Variants in TRMT10A observed in about 807,000 individuals in gnomAD.
TRMT10A encodes the protein tRNA methyltransferase 10 homolog A.
Under a neutral mutation model 40.4 loss-of-function variants are expected in TRMT10A, and 37 were observed. That is an observed-to-expected ratio of 0.92 (90% CI 0.71 to 1.21). The LOEUF is 1.21. TRMT10A is among the 50% of genes most tolerant of loss of function. TRMT10A has a pLI of 0.00. For synonymous variants in TRMT10A, 103 were observed against 134.1 expected (o/e 0.77, Z 1.60); for missense variants, 388 against 404.3 (o/e 0.96, Z 0.35).
chr4:99,560,435 G>A (rs1407189258), intron 1 of TRMT10A, among the ~76,000 whole-genome samples: 4 of 152,062 alleles, frequency 2.6e-5, no homozygotes, highest in Admixed American at 2.6e-4. Flanking sequence ...TGATGACTTA[G>A]AAGACAATCT....
At position 99,547,683 on chromosome 4, in the gene TRMT10A, C is replaced by T. The variant is rs1458565176; in HGVS notation, c.*1405G>A. ...ACAGACCTTACCTTAAAATAGGTAA[C>T]TATAATAGATTACTAAGAACAAAGT... On this transcript the variant is annotated 3_prime_UTR_variant, in exon 8 of 8. Transcript: ENST00000394876. The T allele has an allele frequency of 6.6e-6, 1 of 151,842 alleles. No homozygotes were observed. The highest frequency in any genetic ancestry group is 1.5e-5 in the Non-Finnish European group (1 of 67,958). 9.4% of individuals were successfully genotyped at this position (151,842 alleles called of 1,614,324 possible). A position where few individuals can be genotyped will look rare whatever the true frequency, so the allele number is the denominator to read the frequency against.
intron 4 of TRMT10A, among the ~76,000 whole-genome samples, chr4:99,557,046 G>A (rs1724187112): frequency 6.6e-6 from 1 of 152,120 alleles, no homozygotes; most frequent in Non-Finnish European, 1.5e-5. Flanking sequence ...GGAAGTAATT[G>A]TAAACTGAAA....
At chr4:99,553,124 A>G (rs967067977) in intron 6 of TRMT10A, among the ~76,000 whole-genome samples, 1 of 152,214 alleles carries the variant, frequency 6.6e-6, no homozygotes, top group African/African-American at 2.4e-5. Context: ...ACTTAAATTT[A>G]AATTGATTAC....
rs745805527 is a variant in TRMT10A at position 99,558,165 on chromosome 4, A to G, written c.232T>C (p.Cys78Arg). The G allele has an allele frequency of 1.9e-6, 3 of 1,602,354 alleles. No individual in the cohort carries two copies. In the African/African-American group the frequency reaches 4.0e-5, roughly 22 times the overall value. The change falls in exon 3 of 8, where the codon TGT (cysteine) becomes CGT (arginine). Residue 78 changes from cysteine (C) to arginine (R), a missense_variant. Cys to Arg is a radical substitution (Grantham distance 180). Transcript: ENST00000394876. Reference sequence around the variant, plus strand: ...CCATCTGAGTTTGGTTCCATTTGACATTGTCGCTCTAATTTTTTCCTCTTG... The same window carrying G: ...CCATCTGAGTTTGGTTCCATTTGACGTTGTCGCTCTAATTTTTTCCTCTTG... The part of the protein sequence containing the change: ...KRKRKKLERQ[C>R]QMEPNSDGHD...
chr4:99,557,317 G>C (rs2110190427), intron 4 of TRMT10A, 28 bp downstream of exon 4: 1 of 1,591,636 alleles, frequency 6.3e-7, no homozygotes, highest in East Asian at 2.3e-5. Flanking sequence ...AAGAAAACTA[G>C]AGTCTGCTTT....
At chr4:99,563,885 G>C (rs2110200044) in intron 1 of TRMT10A, 28 bp downstream of exon 1, 1 of 711,902 alleles carries the variant, frequency 1.4e-6, no homozygotes, top group Non-Finnish European at 2.5e-6. Context: ...TAGTGCGGGG[G>C]AGCGCCAACC....
chr4:99,556,419 C>T (rs1025735608), intron 4 of TRMT10A, among the ~76,000 whole-genome samples, 199 bp from the exon 5 acceptor site: 72 of 152,260 alleles, frequency 4.7e-4, no homozygotes, highest in African/African-American at 1.7e-3. Flanking sequence ...GTGCATGTTT[C>T]ATAACCCAGT....
chr4:99,561,412 G>A (rs1462683014), intron 1 of TRMT10A, among the ~76,000 whole-genome samples: 1 of 151,930 alleles, frequency 6.6e-6, no homozygotes, highest in Non-Finnish European at 1.5e-5. Flanking sequence ...CAAACACAAG[G>A]AAAGGTCATG....
At chr4:99,557,565 G>T in intron 3 of TRMT10A, 149 bp from the exon 4 acceptor site, 1 of 616,862 alleles carries the variant, frequency 1.6e-6, no homozygotes, top group Non-Finnish European at 2.7e-6. Flanking sequence ...AATGTTATTT[G>T]ATTTCCTTAC....
intron 7 of TRMT10A, 46 bp downstream of exon 7, chr4:99,550,839 A>T: frequency 7.4e-7 from 1 of 1,352,078 alleles, no homozygotes; most frequent in Non-Finnish European, 1.1e-6. Context: ...ATTCTTTCTC[A>T]CAATGTTCGC....
intron 5 of TRMT10A, among the ~76,000 whole-genome samples, chr4:99,554,613 C>T (rs1311374639): frequency 6.1e-5 from 9 of 147,788 alleles, no homozygotes; most frequent in South Asian, 4.5e-4. Flanking sequence ...CCCAGCTACT[C>T]GGGAGGCTGA....
In TRMT10A at chr4:99,559,179, A is replaced by G; in HGVS notation, c.160T>C (p.Trp54Arg). 1 of 1,612,602 alleles carries G rather than the reference A, an allele frequency of 6.2e-7. No individual in the cohort carries two copies. The highest frequency in any genetic ancestry group is 8.5e-7 in the Non-Finnish European group (1 of 1,179,142). Residue 54 changes from tryptophan to arginine, a missense_variant, in exon 2 of 8, where the codon TGG (tryptophan) becomes CGG (arginine). Coordinates refer to ENST00000394876, the MANE Select transcript of TRMT10A (RefSeq NM_001134665.3). ...QMKKLIKQKQWEEQRELRKQK... is the reference protein window; with the variant it reads ...QMKKLIKQKQREEQRELRKQK... ...TTGCGGAGTTCCCGTTGCTCTTCCCATTGTTTCTGTTTTATTAGTTTTTTC... is the reference window on the plus strand; with the variant it reads ...TTGCGGAGTTCCCGTTGCTCTTCCCGTTGTTTCTGTTTTATTAGTTTTTTC...
intron 5 of TRMT10A, among the ~76,000 whole-genome samples, chr4:99,555,922 G>C (rs1318035055): frequency 6.6e-6 from 1 of 152,136 alleles, no homozygotes; most frequent in Non-Finnish European, 1.5e-5. Context: ...CGTTTTAAAA[G>C]TTGACCATAA....
chr4:99,548,843 G>A lies in TRMT10A; in HGVS notation c.*245C>T, dbSNP rs1723840872. ...ACAGTAAAATTATCTAGAAACTACT[G>A]AGGCTTTAAAAACAAAAACAAAAAA... On this transcript the variant is annotated 3_prime_UTR_variant, in exon 8 of 8. Transcript: ENST00000394876. 1 of 359,062 alleles carries A rather than the reference G, an allele frequency of 2.8e-6. No individual in the cohort carries two copies. Among genetic ancestry groups the A allele is most frequent in the African/African-American group, 2.1e-5 (1 of 47,224 alleles). 22.2% of individuals were successfully genotyped at this position (359,062 alleles called of 1,614,324 possible).
In TRMT10A at chr4:99,548,851, A is replaced by T. The variant is rs1432244062; in HGVS notation, c.*237T>A. The T allele has an allele frequency of 2.7e-6, 1 of 377,048 alleles. No homozygotes were observed. The highest frequency in any genetic ancestry group is 4.2e-5 in the Admixed American group (1 of 23,812). The allele number at this position is 377,048 out of a possible 1,614,324, so 23.4% of individuals were successfully genotyped here. A position where few individuals can be genotyped will look rare whatever the true frequency, so the allele number is the denominator to read the frequency against. On this transcript the variant is annotated 3_prime_UTR_variant, in exon 8 of 8. Transcript: ENST00000394876. ...ATTATCTAGAAACTACTGAGGCTTT[A>T]AAAACAAAAACAAAAAAAATCACAT... is the stretch of plus-strand genomic sequence containing the variant.
chr4:99,550,528 A>G (rs765245996), intron 7 of TRMT10A, among the ~76,000 whole-genome samples: 2 of 152,206 alleles, frequency 1.3e-5, no homozygotes, highest in Non-Finnish European at 2.9e-5. Context: ...CATAAAAAAT[A>G]AAGTAATAAA....
intron 7 of TRMT10A, among the ~76,000 whole-genome samples, chr4:99,550,033 T>G (rs112954724): frequency 0.023 from 3,528 of 152,270 alleles, 108 homozygotes; most frequent in Middle Eastern, 0.1. Context: ...GGCTTAAAAA[T>G]TTTTTTAAAG....
chr4:99,549,390 C>T (rs756393422), intron 7 of TRMT10A, 34 bp from the exon 8 acceptor site: 1 of 1,605,418 alleles, frequency 6.2e-7, no homozygotes, highest in African/African-American at 1.3e-5. Context: ...CATTTCTTAG[C>T]CAAGTTCATC....
rs1403013387 is a variant in TRMT10A at position 99,563,398 on chromosome 4, T to C, written c.-24+515A>G. Reference sequence around the variant, plus strand: ...GCAACTTCCCCTCGGGCTCTCTACATTTCAGAGAGTTCAGCGACGTCAGCC... The same window carrying C: ...GCAACTTCCCCTCGGGCTCTCTACACTTCAGAGAGTTCAGCGACGTCAGCC... On this transcript the variant is annotated intron_variant, in intron 1 of 7. Transcript: ENST00000394876. 1.3e-5 allele frequency: 2 copies of C among 157,256 alleles called. 1 individual carries two copies. Among genetic ancestry groups the C allele is most frequent in the South Asian group, 3.4e-4 (2 of 5,838 alleles). The allele number at this position is 157,256 out of a possible 1,614,324, so 9.7% of individuals were successfully genotyped here. A position where few individuals can be genotyped will look rare whatever the true frequency, so the allele number is the denominator to read the frequency against.
Sources: gnomAD v4.1 joint callset for allele counts (sites outside exome capture counted in the v4.1 genomes callset) on GRCh38, gnomAD v4.1.1 for gene constraint, MANE v1.5 for transcripts, NCBI Gene and HGNC (gene_info 2026-07-23, HGNC 2026-07-21) for gene names.